Variants in HEPH observed in about 807,000 individuals in gnomAD.
HEPH encodes the protein hephaestin.
Under a neutral mutation model 80.8 loss-of-function variants are expected in HEPH, and 69 were observed. The observed-to-expected ratio is 0.85, with a 90% CI of 0.70 to 1.04. The LOEUF is 1.04. HEPH is among the 50% of genes least tolerant of loss of function. HEPH has a pLI of 0.00. For missense variants in HEPH, 1,115 were observed against 891.3 expected (o/e 1.25, Z -3.20); for synonymous variants, 431 against 322.8 (o/e 1.34, Z -3.60).
intron 6 of HEPH, 133 bp from the exon 7 acceptor site, chrX:66,191,997 C>T (rs2087816646): frequency 1.7e-6 from 1 of 586,085 alleles, no homozygotes; most frequent in Non-Finnish European, 2.6e-6. Context: ...GAGAAAGCGG[C>T]CCATTTTGGA....
chrX:66,190,550 T>C (rs895463127), intron 6 of HEPH, among the ~76,000 whole-genome samples: 5 of 111,946 alleles, frequency 4.5e-5, no homozygotes, highest in Non-Finnish European at 3.8e-5. Flanking sequence ...TGAAAAACTT[T>C]ATATGACTTT....
intron 15 of HEPH, among the ~76,000 whole-genome samples, chrX:66,222,303 G>C (rs769792329): frequency 1.7e-4 from 19 of 112,460 alleles, no homozygotes; most frequent in Non-Finnish European, 3.0e-4. Flanking sequence ...TATTACTCCA[G>C]GCTGTAGAAT....
At chrX:66,223,721 C>A (rs1396659509) in intron 15 of HEPH, among the ~76,000 whole-genome samples, 1 of 110,912 alleles carries the variant, frequency 9.0e-6, no homozygotes, top group Non-Finnish European at 1.9e-5. Context: ...TTGCCAAAAC[C>A]TTCAAAACAA....
intron 17 of HEPH, among the ~76,000 whole-genome samples, chrX:66,258,019 TA>T (rs1303597335): frequency 1.8e-5 from 2 of 112,130 alleles, no homozygotes; most frequent in Admixed American, 1.9e-4. Flanking sequence ...TTCTATGCAT[TA>T]ATGTTATTAA....
In HEPH at chrX:66,180,361, T is replaced by C. The variant is rs779412184; in HGVS notation, c.625+6560T>C. ...AAAATGACTGCATCTTTCCTTCATATATGATGCTTAGTTTTGCTGGATACA... is the reference window on the plus strand; with the variant it reads ...AAAATGACTGCATCTTTCCTTCATACATGATGCTTAGTTTTGCTGGATACA... On this transcript the variant is annotated intron_variant, in intron 4 of 20. Transcript: ENST00000343002. 1.1e-4 allele frequency among the ~76,000 whole-genome samples: 12 copies of C among 111,140 alleles called. No homozygotes were observed. In the South Asian group the frequency reaches 4.5e-3, roughly 42 times the overall value.
intron 15 of HEPH, among the ~76,000 whole-genome samples, chrX:66,221,736 G>A (rs924955559): frequency 3.5e-5 from 4 of 112,907 alleles, no homozygotes; most frequent in African/African-American, 6.4e-5. Flanking sequence ...CTTTTAACTC[G>A]TGAAAAGGTA....
chrX:66,203,612 G>A, intron 13 of HEPH, 35 bp downstream of exon 13: 1 of 1,144,187 alleles, frequency 8.7e-7, no homozygotes, highest in Non-Finnish European at 1.2e-6. Flanking sequence ...TACACTTTTA[G>A]AAAAACATTT....
chrX:66,264,682 A>C (rs1296645367), intron 20 of HEPH, among the ~76,000 whole-genome samples: 1 of 108,455 alleles, frequency 9.2e-6, no homozygotes, highest in East Asian at 2.9e-4. Context: ...TATCTCATGA[A>C]CTGTTAACCA....
chrX:66,193,396 G>T, intron 7 of HEPH, 106 bp from the exon 8 acceptor site: 2 of 482,499 alleles, frequency 4.1e-6, no homozygotes, highest in Admixed American at 9.4e-5. Flanking sequence ...GAGCTCTGAG[G>T]TCCTTCCTAA....
At chrX:66,163,741 G>C (rs1356306899), upstream of HEPH, among the ~76,000 whole-genome samples, 1 of 111,754 alleles carries the variant, frequency 8.9e-6, no homozygotes, top group Non-Finnish European at 1.9e-5. Context: ...CCTTGGACAA[G>C]TTACCTTCCC....
intron 4 of HEPH, among the ~76,000 whole-genome samples, chrX:66,187,132 A>G (rs1045251447): frequency 1.8e-5 from 2 of 109,451 alleles, no homozygotes; most frequent in African/African-American, 6.7e-5. Flanking sequence ...TTATCCCTTC[A>G]CTTCTTATTT....
intron 19 of HEPH, among the ~76,000 whole-genome samples, chrX:66,260,973 G>T (rs892017851): frequency 3.6e-5 from 4 of 111,420 alleles, no homozygotes; most frequent in African/African-American, 1.3e-4. Context: ...TACCTATGTT[G>T]CACAGGCTGG....
Position 66,192,299 on chromosome X carries a change from G to C in HEPH, c.1232+1G>C. 8.4e-7 allele frequency: 1 copy of C among 1,197,532 alleles called. No individual in the cohort carries two copies. The highest frequency in any genetic ancestry group is 1.1e-6 in the Non-Finnish European group (1 of 884,657). ...GGAAGAATTTGAGAGAGCCAGGCAG[G>C]TAAGAGGCAGTGGGATCCCTCTCTT... On this transcript the variant is annotated splice_donor_variant, in intron 7 of 20. Transcript: ENST00000343002. LOFTEE classifies it high-confidence loss of function.
At chrX:66,202,956 CAT>C (rs1330547734) in intron 12 of HEPH, among the ~76,000 whole-genome samples, 9 of 101,196 alleles carry the variant, frequency 8.9e-5, no homozygotes, top group African/African-American at 1.1e-4. Flanking sequence ...CACACACACA[CAT>C]AATATATTTT....
chrX:66,219,074 A>G (rs1602388997), intron 15 of HEPH, among the ~76,000 whole-genome samples: 1 of 111,968 alleles, frequency 8.9e-6, no homozygotes, highest in Non-Finnish European at 1.9e-5. Context: ...CTCACTACCT[A>G]TGTCTTCTTG....
At chrX:66,208,917 G>T (rs764314782) in intron 15 of HEPH, among the ~76,000 whole-genome samples, 37 of 108,311 alleles carry the variant, frequency 3.4e-4, no homozygotes, top group Admixed American at 3.4e-3. Context: ...TAAAGTTCTT[G>T]TACCCTTCTT....
rs778178866 is a variant in HEPH, at chrX:66,193,494, T to A, written c.1233-8T>A. The A allele has an allele frequency of 3.5e-6, 4 of 1,152,495 alleles. No individual in the cohort carries two copies. The highest frequency in any genetic ancestry group is 4.7e-6 in the Non-Finnish European group (4 of 854,249). The allele number at this position is 1,152,495 out of a possible 1,213,427, so 95.0% of individuals were successfully genotyped here. A position where few individuals can be genotyped will look rare whatever the true frequency, so the allele number is the denominator to read the frequency against. ...AAATAATATCATATTTTCCTTTTTATACATCAGTATCTCAGATAAGTTTTT... is the reference window on the plus strand; with the variant it reads ...AAATAATATCATATTTTCCTTTTTAAACATCAGTATCTCAGATAAGTTTTT... On this transcript the variant is annotated splice_region_variant and splice_polypyrimidine_tract_variant and intron_variant, in intron 7 of 20. Transcript: ENST00000343002.
In HEPH at chrX:66,170,701, G is replaced by A. The variant is rs2086557721; in HGVS notation, c.131G>A (p.Arg44Lys). The A allele has an allele frequency of 8.3e-7, 1 of 1,210,486 alleles. No homozygotes were observed. Among genetic ancestry groups the A allele is most frequent in the Non-Finnish European group, 1.1e-6 (1 of 894,846 alleles). Reference sequence around the variant, plus strand: ...CAGTGGAACTATGCTCCCAAGGGAAGAAATGTCATCACGAACCAGCCTCTG... The same window carrying A: ...CAGTGGAACTATGCTCCCAAGGGAAAAAATGTCATCACGAACCAGCCTCTG... ...DVQWNYAPKG[R>K]NVITNQPLDS... The change falls in exon 2 of 21, where the codon AGA becomes AAA. Residue 44 changes from arginine (R) to lysine (K), a missense_variant. Physicochemically the swap from Arg to Lys is conservative, Grantham distance 26. Transcript: ENST00000343002.
At chrX:66,194,772 G>C (rs1002657781) in intron 8 of HEPH, among the ~76,000 whole-genome samples, 1 of 111,108 alleles carries the variant, frequency 9.0e-6, no homozygotes, top group African/African-American at 3.3e-5. Flanking sequence ...TGGCTGAATG[G>C]CTTATCAACC....
Sources: gnomAD v4.1 joint callset for allele counts (sites outside exome capture counted in the v4.1 genomes callset) on GRCh38, gnomAD v4.1.1 for gene constraint, MANE v1.5 for transcripts, NCBI Gene and HGNC (gene_info 2026-07-23, HGNC 2026-07-21) for gene names.